Variants in ABLIM1 observed in about 807,000 individuals in gnomAD.
The protein encoded by ABLIM1 is actin binding LIM protein 1, also known as actin-binding LIM protein 1.
Under a neutral mutation model 107.0 loss-of-function variants are expected in ABLIM1, and 40 were observed. The observed-to-expected ratio is 0.37, with a 90% confidence interval of 0.29 to 0.49. The LOEUF is 0.49. ABLIM1 is among the 20% of genes least tolerant of loss of function. The pLI is 0.97. For missense variants in ABLIM1, 857 were observed against 1,008.5 expected (o/e 0.85, Z 2.04); for synonymous variants, 357 against 357.3 (o/e 1.00, Z 0.01).
At chr10:114,801,157 T>C in the ABLIM1 span, among the ~76,000 whole-genome samples, 1 of 152,122 alleles carries the variant, frequency 6.6e-6, no homozygotes, top group African/African-American at 2.4e-5. Context: ...TTCATGTTTG[T>C]AATCCCAGCA....
chr10:114,798,931 G>T, the ABLIM1 span, among the ~76,000 whole-genome samples: 7 of 152,042 alleles, frequency 4.6e-5, no homozygotes, highest in Non-Finnish European at 1.0e-4. Flanking sequence ...AAGTAGCTGG[G>T]ACTACAGGTG....
the ABLIM1 span, among the ~76,000 whole-genome samples, chr10:114,787,657 A>G: frequency 1.4e-4 from 17 of 122,902 alleles, no homozygotes; most frequent in African/African-American, 5.1e-4. Context: ...CCCTACTGGG[A>G]AGTGAGGAGC....
chr10:114,782,589 A>G, the ABLIM1 span, among the ~76,000 whole-genome samples: 1 of 152,160 alleles, frequency 6.6e-6, no homozygotes, highest in Non-Finnish European at 1.5e-5. Flanking sequence ...GAAAACCTGA[A>G]ATTTGTTTTT....
chr10:114,480,220 G>A (rs1038131219), intron 8 of ABLIM1, among the ~76,000 whole-genome samples: 1 of 152,132 alleles, frequency 6.6e-6, no homozygotes, highest in Non-Finnish European at 1.5e-5. Flanking sequence ...GATGTCCAGG[G>A]TAACAACAGT....
intron 1 of ABLIM1, among the ~76,000 whole-genome samples, chr10:114,761,801 T>G (rs1028371281): frequency 1.3e-5 from 2 of 152,192 alleles, no homozygotes; most frequent in Non-Finnish European, 2.9e-5. Flanking sequence ...CTTCTTTTCA[T>G]GCCCTTTTCC....
intron 12 of ABLIM1, among the ~76,000 whole-genome samples, chr10:114,455,470 C>CG (rs1220007006): frequency 6.6e-6 from 1 of 151,934 alleles, no homozygotes; most frequent in Non-Finnish European, 1.5e-5. Flanking sequence ...TAGTTCCTAT[C>CG]GGGAAAAAAT....
chr10:114,574,426 C>G (rs1368584305), intron 3 of ABLIM1, among the ~76,000 whole-genome samples: 5 of 151,864 alleles, frequency 3.3e-5, no homozygotes, highest in Non-Finnish European at 7.4e-5. Flanking sequence ...TCTGACTGAT[C>G]ATTTTATTAT....
chr10:114,626,492 C>T (rs1328086743), intron 1 of ABLIM1, among the ~76,000 whole-genome samples: 1 of 152,190 alleles, frequency 6.6e-6, no homozygotes, highest in Non-Finnish European at 1.5e-5. Flanking sequence ...GATCACTCCC[C>T]AGTCCTTTAT....
chr10:114,720,623 G>C (rs2081821079), intron 1 of ABLIM1, among the ~76,000 whole-genome samples: 1 of 152,122 alleles, frequency 6.6e-6, no homozygotes, highest in Non-Finnish European at 1.5e-5. Flanking sequence ...CTTTGGGAAG[G>C]AATGACTTCC....
At chr10:114,520,260 G>A (rs1399953449) in intron 6 of ABLIM1, among the ~76,000 whole-genome samples, 1 of 152,214 alleles carries the variant, frequency 6.6e-6, no homozygotes, top group Non-Finnish European at 1.5e-5. Context: ...AAGGGCTTCT[G>A]ATCTTGGCCT....
chr10:114,632,090 G>A, intron 1 of ABLIM1: 1 of 985,168 alleles, frequency 1.0e-6, no homozygotes, highest in Non-Finnish European at 1.2e-6. Context: ...GCCTCGGCGG[G>A]CCCCGCTCCC....
chr10:114,638,801 A>G (rs1383786774), intron 1 of ABLIM1, among the ~76,000 whole-genome samples: 1 of 152,140 alleles, frequency 6.6e-6, no homozygotes, highest in Non-Finnish European at 1.5e-5. Flanking sequence ...CTTATCCTTC[A>G]TCGGTTCTTG....
chr10:114,673,252 C>T (rs912405092), intron 1 of ABLIM1, among the ~76,000 whole-genome samples: 2 of 114,338 alleles, frequency 1.7e-5, no homozygotes, highest in Non-Finnish European at 3.6e-5. Flanking sequence ...AGCAAGACTC[C>T]AGCTAAAAAA....
intron 6 of ABLIM1, among the ~76,000 whole-genome samples, chr10:114,536,223 CTTTGT>C (rs2065985536): frequency 1.2e-5 from 1 of 80,426 alleles, no homozygotes; most frequent in African/African-American, 4.9e-5. Flanking sequence ...TTCCTTCTTT[CTTTGT>C]TTTTTTTTTT....
At chr10:114,799,831 A>T in the ABLIM1 span, among the ~76,000 whole-genome samples, 1 of 152,166 alleles carries the variant, frequency 6.6e-6, no homozygotes, top group South Asian at 2.1e-4. Context: ...GAGTGCATGC[A>T]GTTGCATCAT....
At chr10:114,503,236 A>G (rs2060665232) in intron 6 of ABLIM1, among the ~76,000 whole-genome samples, 1 of 152,182 alleles carries the variant, frequency 6.6e-6, no homozygotes, top group South Asian at 2.1e-4. Flanking sequence ...GGATCGCTTG[A>G]GCCCAGAAGT....
At chr10:114,773,954 A>G in the ABLIM1 span, among the ~76,000 whole-genome samples, 5 of 151,660 alleles carry the variant, frequency 3.3e-5, no homozygotes, top group Admixed American at 6.6e-5. Flanking sequence ...ATTTGTTTAC[A>G]TAGAAATAAA....
chr10:114,688,941 G>A (rs1017336539), upstream of ABLIM1, among the ~76,000 whole-genome samples: 1 of 152,198 alleles, frequency 6.6e-6, no homozygotes, highest in Non-Finnish European at 1.5e-5. Flanking sequence ...CTCAAAGACT[G>A]TATGTGTGCA....
intron 22 of ABLIM1, among the ~76,000 whole-genome samples, chr10:114,436,672 G>A (rs1428385345): frequency 6.6e-6 from 1 of 152,162 alleles, no homozygotes; most frequent in Non-Finnish European, 1.5e-5. Flanking sequence ...TCCATCCCAG[G>A]TCCTTGGAAC....
Sources: gnomAD v4.1 joint callset for allele counts (sites outside exome capture counted in the v4.1 genomes callset) on GRCh38, gnomAD v4.1.1 for gene constraint, MANE v1.5 for transcripts, NCBI Gene and HGNC (gene_info 2026-07-23, HGNC 2026-07-21) for gene names.